CRYL1: variants seen among roughly 807,000 people sequenced by gnomAD.
CRYL1 encodes the protein lambda-crystallin homolog.
CRYL1 carries 29 observed loss-of-function variants against 36.6 expected under a neutral mutation model. The ratio of observed to expected loss-of-function variants is 0.79; its 90% CI spans 0.59 to 1.08. The LOEUF (loss-of-function observed/expected upper bound fraction) is 1.08. CRYL1 is among the 50% of genes least tolerant of loss of function. The pLI is 0.00. For synonymous variants in CRYL1, 152 were observed against 151.5 expected (o/e 1.00, Z -0.02); for missense variants, 411 against 407.9 (o/e 1.01, Z -0.06).
chr13:20,406,751 G>C (rs2031387485), intron 6 of CRYL1, among the ~76,000 whole-genome samples: 1 of 151,938 alleles, frequency 6.6e-6, no homozygotes, highest in African/African-American at 2.4e-5. Context: ...AGAGACACAA[G>C]AATCAAGTTG....
At chr13:20,465,934 T>C (rs7322030) in intron 3 of CRYL1, among the ~76,000 whole-genome samples, 15,716 of 146,188 alleles carry the variant, frequency 0.11, 2,482 homozygotes, top group African/African-American at 0.35. Context: ...TTAGTTTCCA[T>C]GAGAGCTGGT....
intron 5 of CRYL1, among the ~76,000 whole-genome samples, chr13:20,420,723 G>GTGTA (rs2031787944): frequency 2.0e-5 from 1 of 48,902 alleles, no homozygotes; most frequent in African/African-American, 4.3e-5. Context: ...GTGTGTGTGT[G>GTGTA]TGTGTGTGTG....
chr13:20,427,111 T>C lies in CRYL1; in HGVS notation c.633+4991A>G. 3 of 985,506 alleles carry C rather than the reference T, an allele frequency of 3.0e-6. No individual in the cohort carries two copies. In the South Asian group the frequency reaches 1.4e-4, roughly 46 times the overall value. The allele number at this position is 985,506 out of a possible 1,614,324, so 61.0% of individuals were successfully genotyped here. A position where few individuals can be genotyped will look rare whatever the true frequency, so the allele number is the denominator to read the frequency against. Reference sequence around the variant, plus strand: ...AGCTACTGTCCAGCCAAAAGTCTATTGTCACAACACAATGTCCTTCATTAT... The same window carrying C: ...AGCTACTGTCCAGCCAAAAGTCTATCGTCACAACACAATGTCCTTCATTAT... On this transcript the variant is annotated intron_variant, in intron 5 of 7. Transcript: ENST00000298248.
chr13:20,413,107 C>T (rs1336497155), intron 6 of CRYL1, among the ~76,000 whole-genome samples, 175 bp downstream of exon 6: 5 of 152,214 alleles, frequency 3.3e-5, no homozygotes, highest in Non-Finnish European at 7.3e-5. Context: ...CATGGATTTA[C>T]ATCTCAGTAC....
At position 20,525,803 on chromosome 13, in the gene CRYL1, C is replaced by G; in HGVS notation, c.-9G>C. On this transcript the variant is annotated 5_prime_UTR_variant, in exon 1 of 8. Coordinates refer to ENST00000298248, the MANE Select transcript of CRYL1 (RefSeq NM_015974.3). The surrounding 1 kb of genome is among the most constrained non-coding windows in gnomAD (Gnocchi z 4.3). Reference sequence around the variant, plus strand: ...GCCGCGGAGGACGCCATGGTTGGGCCGGGGACGCGGCGCCGCGGGCGCTGG... The same window carrying G: ...GCCGCGGAGGACGCCATGGTTGGGCGGGGGACGCGGCGCCGCGGGCGCTGG... 1 of 1,240,972 alleles carries G rather than the reference C, an allele frequency of 8.1e-7. No homozygotes were observed. The highest frequency in any genetic ancestry group is 1.0e-6 in the Non-Finnish European group (1 of 991,594). 76.9% of individuals were successfully genotyped at this position (1,240,972 alleles called of 1,614,324 possible).
intron 6 of CRYL1, among the ~76,000 whole-genome samples, chr13:20,411,136 T>A (rs536142488): frequency 1.3e-3 from 204 of 152,142 alleles, no homozygotes; most frequent in Non-Finnish European, 2.0e-3. Flanking sequence ...GAAGAAAAAT[T>A]CTCCCAACTC....
At chr13:20,488,877 A>G (rs2033451961) in intron 3 of CRYL1, among the ~76,000 whole-genome samples, 2 of 152,258 alleles carry the variant, frequency 1.3e-5, no homozygotes, top group Non-Finnish European at 2.9e-5. Context: ...CTCCAGGCTC[A>G]TCCCGCTGTG....
rs553670028 is a variant in CRYL1 at position 20,415,879 on chromosome 13, C to G, written c.634-2492G>C. 2.0e-5 allele frequency among the ~76,000 whole-genome samples: 3 copies of G among 152,342 alleles called. No homozygotes were observed. The South Asian group carries it at 6.2e-4, about 32-fold the overall frequency. On this transcript the variant is annotated intron_variant, in intron 5 of 7. Transcript: ENST00000298248. This position sits in a 1 kb window ranked among gnomAD's most constrained non-coding sequence, Gnocchi z 4.1. ...TCTTTCGTGACTTGTCTCTCACCATCCTGTTTCTCAGATTCACCTGCGTCA... is the reference window on the plus strand; with the variant it reads ...TCTTTCGTGACTTGTCTCTCACCATGCTGTTTCTCAGATTCACCTGCGTCA...
At chr13:20,430,071 T>C (rs1388479528) in intron 5 of CRYL1, among the ~76,000 whole-genome samples, 1 of 152,008 alleles carries the variant, frequency 6.6e-6, no homozygotes, top group Non-Finnish European at 1.5e-5. Context: ...ACCCTGGAAG[T>C]CATCGCTGTG....
chr13:20,409,298 G>T (rs7987191), intron 6 of CRYL1, among the ~76,000 whole-genome samples: 107,911 of 146,500 alleles, frequency 0.74, 40,109 homozygotes, highest in Admixed American at 0.83. Context: ...GCTAGCCATA[G>T]GTAGAAAGCT....
At chr13:20,420,106 G>A (rs1307506638) in intron 5 of CRYL1, among the ~76,000 whole-genome samples, 1 of 152,260 alleles carries the variant, frequency 6.6e-6, no homozygotes, top group Non-Finnish European at 1.5e-5. Context: ...CCTGCGGAAT[G>A]ACTTGAGCAA....
At chr13:20,467,823 C>A (rs9579868) in intron 3 of CRYL1, among the ~76,000 whole-genome samples, 1 of 152,236 alleles carries the variant, frequency 6.6e-6, no homozygotes, top group Non-Finnish European at 1.5e-5. Context: ...GTCTGCAACG[C>A]CCGGTGCCTC....
chr13:20,509,601 A>G (rs765556532), intron 2 of CRYL1, among the ~76,000 whole-genome samples: 1 of 152,244 alleles, frequency 6.6e-6, no homozygotes, highest in Non-Finnish European at 1.5e-5. Flanking sequence ...GCTCCACATC[A>G]TATGTCATCA....
chr13:20,495,315 A>T (rs1222689365), intron 2 of CRYL1, among the ~76,000 whole-genome samples: 1 of 152,230 alleles, frequency 6.6e-6, no homozygotes, highest in African/African-American at 2.4e-5. Flanking sequence ...TTCTACCTCT[A>T]GAGGTCAGCC....
intron 2 of CRYL1, among the ~76,000 whole-genome samples, chr13:20,511,273 G>A (rs1309102224): frequency 1.3e-5 from 2 of 151,586 alleles, no homozygotes; most frequent in Non-Finnish European, 2.9e-5. Context: ...TTTTTTTTCT[G>A]TAGAGACGGG....
chr13:20,439,359 C>T (rs757352700), intron 4 of CRYL1, among the ~76,000 whole-genome samples: 2 of 151,826 alleles, frequency 1.3e-5, no homozygotes, highest in African/African-American at 4.8e-5. Context: ...GGATAAAATT[C>T]TTTTTTAAAA....
intron 3 of CRYL1, among the ~76,000 whole-genome samples, chr13:20,471,277 A>G (rs1400860772): frequency 6.6e-6 from 1 of 152,108 alleles, no homozygotes; most frequent in African/African-American, 2.4e-5. Flanking sequence ...AAAAACATGT[A>G]TATGAAAAAG....
At chr13:20,446,225 C>T (rs2032452311) in intron 3 of CRYL1, among the ~76,000 whole-genome samples, 1 of 152,192 alleles carries the variant, frequency 6.6e-6, no homozygotes, top group Non-Finnish European at 1.5e-5. Context: ...GATTCTCCTG[C>T]CTCAACCTCC....
chr13:20,514,933 G>A (rs1418177767), intron 1 of CRYL1, among the ~76,000 whole-genome samples: 1 of 152,038 alleles, frequency 6.6e-6, no homozygotes, highest in East Asian at 1.9e-4. Context: ...GTACACCAAT[G>A]ATTATAGCAG....
Sources: gnomAD v4.1 joint callset for allele counts (sites outside exome capture counted in the v4.1 genomes callset) on GRCh38, gnomAD v4.1.1 for gene constraint, Gnocchi (gnomAD v3.1) non-coding constraint, MANE v1.5 for transcripts, NCBI Gene and HGNC (gene_info 2026-07-23, HGNC 2026-07-21) for gene names.